The following SOX5 variants were observed in gnomAD, a reference collection of about 807,000 sequenced individuals.
SOX5 encodes SRY-box transcription factor 5.
In SOX5, 9 loss-of-function variants were observed where a neutral mutation model predicts 92.0. The ratio of observed to expected loss-of-function variants is 0.10; its 90% confidence interval spans 0.06 to 0.17. SOX5 has a LOEUF of 0.17. Among genes scored for constraint, SOX5 ranks in the 10% least tolerant of loss-of-function variants. SOX5 has a pLI of 1.00. For missense variants in SOX5, 642 were observed against 944.5 expected (o/e 0.68, Z 4.20); for synonymous variants, 344 against 336.3 (o/e 1.02, Z -0.25).
At chr12:24,452,747 C>A (rs1596824506) in intron 1 of SOX5, among the ~76,000 whole-genome samples, 1 of 152,076 alleles carries the variant, frequency 6.6e-6, no homozygotes, top group Non-Finnish European at 1.5e-5. Flanking sequence ...GGAATTTATG[C>A]CCTCCCAATT....
At chr12:23,661,478 T>C (rs1000580526) in intron 7 of SOX5, among the ~76,000 whole-genome samples, 1 of 152,162 alleles carries the variant, frequency 6.6e-6, no homozygotes, top group Non-Finnish European at 1.5e-5. Flanking sequence ...CAAATGTCGC[T>C]CTCAAGTATA....
chr12:23,991,851 C>A (rs1950589042), intron 4 of SOX5, among the ~76,000 whole-genome samples: 1 of 151,676 alleles, frequency 6.6e-6, no homozygotes, highest in Non-Finnish European at 1.5e-5. Context: ...ACTTCCTAGC[C>A]AAATCTATAA....
intron 4 of SOX5, among the ~76,000 whole-genome samples, chr12:24,187,878 T>G (rs1956170270): frequency 6.6e-6 from 1 of 152,200 alleles, no homozygotes; most frequent in African/African-American, 2.4e-5. Context: ...CAAGCCAAGT[T>G]TGACTTTAAA....
chr12:24,313,837 T>C (rs913712497), intron 2 of SOX5, among the ~76,000 whole-genome samples: 1 of 152,240 alleles, frequency 6.6e-6, no homozygotes. Context: ...GGATATTTAA[T>C]AGGAATGGCA....
chr12:24,277,945 C>T (rs1595087624), intron 2 of SOX5, among the ~76,000 whole-genome samples: 2 of 152,128 alleles, frequency 1.3e-5, no homozygotes, highest in Admixed American at 1.3e-4. Flanking sequence ...TCAGAAAGTG[C>T]TCTTGCCACT....
intron 4 of SOX5, among the ~76,000 whole-genome samples, chr12:23,747,039 A>G (rs941237671): frequency 6.6e-6 from 1 of 152,104 alleles, no homozygotes; most frequent in Non-Finnish European, 1.5e-5. Flanking sequence ...CTGTAAGTTC[A>G]TTAAATCTCT....
In SOX5 at chr12:23,534,125, G is replaced by C; in HGVS notation, c.*94C>G. On this transcript the variant is annotated 3_prime_UTR_variant, in exon 15 of 15. Transcript: ENST00000451604. ...AGACTAACAGTTAAAGTAACAGTCA[G>C]TGTATGAGAAAGTTAATGTGCTTGG... 1.0e-6 allele frequency: 1 copy of C among 980,716 alleles called. No individual in the cohort carries two copies. Among genetic ancestry groups the C allele is most frequent in the South Asian group, 1.5e-5 (1 of 66,092 alleles). 60.8% of individuals were successfully genotyped at this position (980,716 alleles called of 1,614,324 possible). A position where few individuals can be genotyped will look rare whatever the true frequency, so the allele number is the denominator to read the frequency against.
chr12:24,433,278 G>C (rs996700636), intron 1 of SOX5, among the ~76,000 whole-genome samples: 1 of 152,128 alleles, frequency 6.6e-6, no homozygotes, highest in Non-Finnish European at 1.5e-5. Flanking sequence ...CATAGCAGAA[G>C]GTTCTATAAA....
At chr12:24,400,419 C>T (rs534389908) in intron 1 of SOX5, among the ~76,000 whole-genome samples, 11 of 152,102 alleles carry the variant, frequency 7.2e-5, no homozygotes, top group South Asian at 2.1e-4. Flanking sequence ...GTGAGGAGGG[C>T]GGGGGAAGAA....
intron 2 of SOX5, among the ~76,000 whole-genome samples, chr12:23,893,697 G>A (rs1203315200): frequency 6.6e-6 from 1 of 152,104 alleles, no homozygotes; most frequent in Non-Finnish European, 1.5e-5. Context: ...TTCTGAAAGA[G>A]GACAGTGATG....
chr12:24,467,655 T>C (rs772463600), intron 1 of SOX5, among the ~76,000 whole-genome samples: 20 of 152,252 alleles, frequency 1.3e-4, no homozygotes, highest in Non-Finnish European at 1.9e-4. Flanking sequence ...ATAGGGGTGT[T>C]TAGATTTTTT....
intron 1 of SOX5, among the ~76,000 whole-genome samples, chr12:24,498,270 C>A (rs1215333238): frequency 6.6e-6 from 1 of 151,986 alleles, no homozygotes; most frequent in Non-Finnish European, 1.5e-5. Context: ...TATTATCACC[C>A]TTTTACTGGT....
At chr12:24,266,808 C>T (rs1194267703) in intron 3 of SOX5, among the ~76,000 whole-genome samples, 1 of 152,132 alleles carries the variant, frequency 6.6e-6, no homozygotes, top group Non-Finnish European at 1.5e-5. Context: ...GTCTGCCAGT[C>T]TTATCATTTA....
chr12:24,154,376 G>A (rs1951954323), intron 4 of SOX5, among the ~76,000 whole-genome samples: 1 of 152,128 alleles, frequency 6.6e-6, no homozygotes, highest in Admixed American at 6.6e-5. Context: ...GAAGGTTCTG[G>A]TTGGCAGGAA....
At chr12:23,757,115 C>A (rs922778601) in intron 3 of SOX5, among the ~76,000 whole-genome samples, 1 of 151,882 alleles carries the variant, frequency 6.6e-6, no homozygotes, top group Non-Finnish European at 1.5e-5. Context: ...TACTCTTTTA[C>A]ATAGTCTATA....
intron 3 of SOX5, among the ~76,000 whole-genome samples, chr12:23,807,045 C>T (rs1365969061): frequency 6.6e-6 from 1 of 152,174 alleles, no homozygotes; most frequent in African/African-American, 2.4e-5. Context: ...AGTTAAAAGT[C>T]CACTTAGTTG....
At chr12:24,324,591 C>T (rs1008737224) in intron 2 of SOX5, among the ~76,000 whole-genome samples, 1 of 151,906 alleles carries the variant, frequency 6.6e-6, no homozygotes. Flanking sequence ...ACTCTATATC[C>T]TCTCATATTT....
chr12:23,605,617 C>T (rs373197854), intron 8 of SOX5, among the ~76,000 whole-genome samples: 1 of 151,674 alleles, frequency 6.6e-6, no homozygotes, highest in South Asian at 2.1e-4. Flanking sequence ...AGGAGAAGTA[C>T]TGTGAAATAG....
At chr12:23,991,057 G>A (rs941716043) in intron 4 of SOX5, among the ~76,000 whole-genome samples, 3 of 151,426 alleles carry the variant, frequency 2.0e-5, no homozygotes, top group Non-Finnish European at 4.4e-5. Flanking sequence ...AAAAAAATGT[G>A]CTATAGAAGT....
Sources: allele counts gnomAD v4.1 joint callset (sites outside exome capture counted in the v4.1 genomes callset), GRCh38; gene constraint gnomAD v4.1.1; transcripts MANE v1.5; gene names NCBI Gene and HGNC (gene_info 2026-07-23, HGNC 2026-07-21).